Variants in GRXCR2 observed in about 807,000 individuals in gnomAD.
GRXCR2 encodes glutaredoxin and cysteine rich domain containing 2.
A neutral mutation model predicts 24.8 loss-of-function variants in GRXCR2; 23 were observed. The observed-to-expected ratio is 0.93, with a 90% CI of 0.67 to 1.32. The LOEUF (loss-of-function observed/expected upper bound fraction) is 1.32. Ranked by LOEUF, GRXCR2 falls within the 40% of genes most tolerant of loss-of-function variation. GRXCR2 has a pLI of 0.00. For synonymous variants in GRXCR2, 130 were observed against 116.1 expected, an observed-to-expected ratio of 1.12 and a Z score of -0.77; for missense variants, 315 against 303.4, an observed-to-expected ratio of 1.04 and a Z score of -0.28.
intron 2 of GRXCR2, among the ~76,000 whole-genome samples, chr5:145,895,870 G>C (rs543544276): frequency 7.2e-5 from 11 of 152,142 alleles, no homozygotes; most frequent in Non-Finnish European, 1.5e-4. Flanking sequence ...CACACTACCT[G>C]ACTTCAAACT....
chr5:145,917,150 G>A (rs1229576417), intron 2 of GRXCR2, among the ~76,000 whole-genome samples: 1 of 144,118 alleles, frequency 6.9e-6, no homozygotes, highest in Non-Finnish European at 1.5e-5. Flanking sequence ...ACAGCATTAT[G>A]TCAAGATGGA....
At chr5:145,925,346 T>C (rs907026335) in intron 2 of GRXCR2, among the ~76,000 whole-genome samples, 1 of 152,226 alleles carries the variant, frequency 6.6e-6, no homozygotes, top group African/African-American at 2.4e-5. Context: ...GAGCACTTTC[T>C]ATGGACCAGA....
intron 2 of GRXCR2, among the ~76,000 whole-genome samples, chr5:145,887,593 C>T (rs918180651): frequency 1.3e-5 from 2 of 152,176 alleles, no homozygotes; most frequent in Non-Finnish European, 1.5e-5. Flanking sequence ...TCACCTCAGA[C>T]TTCTGAGAAG....
intron 2 of GRXCR2, among the ~76,000 whole-genome samples, chr5:145,917,403 G>A (rs1445061185): frequency 6.6e-6 from 1 of 152,132 alleles, no homozygotes; most frequent in Non-Finnish European, 1.5e-5. Flanking sequence ...GTGTGAGAAT[G>A]AGAGTAAGTG....
At chr5:145,878,973 C>A (rs145223340) in intron 2 of GRXCR2, among the ~76,000 whole-genome samples, 2 of 152,092 alleles carry the variant, frequency 1.3e-5, no homozygotes, top group African/African-American at 2.4e-5. Flanking sequence ...GAAATAAAAT[C>A]TTTACAGACA....
intron 2 of GRXCR2, among the ~76,000 whole-genome samples, chr5:145,904,933 A>C (rs1393673634): frequency 1.3e-5 from 2 of 152,062 alleles, no homozygotes; most frequent in African/African-American, 4.8e-5. Flanking sequence ...TTAGGGTGTA[A>C]CAGCTAGGTC....
At chr5:145,893,088 A>AT (rs1311779399) in intron 2 of GRXCR2, among the ~76,000 whole-genome samples, 4 of 152,306 alleles carry the variant, frequency 2.6e-5, no homozygotes, top group Non-Finnish European at 5.9e-5. Flanking sequence ...ATGCTGAGAG[A>AT]TTTTGTCACC....
intron 2 of GRXCR2, among the ~76,000 whole-genome samples, chr5:145,884,739 A>G (rs1469825643): frequency 1.3e-5 from 2 of 152,200 alleles, no homozygotes; most frequent in Non-Finnish European, 2.9e-5. Flanking sequence ...GCTCTTTTAA[A>G]AAATTTACAT....
intron 2 of GRXCR2, among the ~76,000 whole-genome samples, chr5:145,891,710 G>A (rs563419548): frequency 6.6e-6 from 1 of 152,222 alleles, no homozygotes; most frequent in African/African-American, 2.4e-5. Context: ...TCTGGGGGCA[G>A]GGCATAGCCA....
At chr5:145,868,528 A>G (rs1009710881) in intron 1 of GRXCR2, among the ~76,000 whole-genome samples, 1 of 152,132 alleles carries the variant, frequency 6.6e-6, no homozygotes, top group Non-Finnish European at 1.5e-5. Context: ...TGCAGGCTGG[A>G]TTCTTATTTC....
intron 2 of GRXCR2, among the ~76,000 whole-genome samples, chr5:145,892,891 G>T (rs1027006699): frequency 1.3e-5 from 2 of 152,146 alleles, no homozygotes; most frequent in Non-Finnish European, 2.9e-5. Context: ...AGAAAGGTTG[G>T]CTTACCCACA....
chr5:145,875,414 T>A (rs1011243792), upstream of GRXCR2, among the ~76,000 whole-genome samples: 6 of 152,034 alleles, frequency 3.9e-5, no homozygotes, highest in African/African-American at 1.4e-4. Context: ...CAGGGTGTGG[T>A]GGCAGGCACT....
chr5:145,910,272 C>A (rs779195917), intron 2 of GRXCR2, among the ~76,000 whole-genome samples: 8 of 152,142 alleles, frequency 5.3e-5, no homozygotes, highest in Non-Finnish European at 7.3e-5. Context: ...TCATAAACGA[C>A]AACCTCTGAA....
At chr5:145,915,329 G>A (rs1757221311) in intron 2 of GRXCR2, among the ~76,000 whole-genome samples, 1 of 152,146 alleles carries the variant, frequency 6.6e-6, no homozygotes, top group Non-Finnish European at 1.5e-5. Flanking sequence ...TCTAGTTATT[G>A]TTCCTGCTTG....
intron 2 of GRXCR2, among the ~76,000 whole-genome samples, chr5:145,879,294 G>A (rs946063209): frequency 6.7e-6 from 1 of 149,480 alleles, no homozygotes; most frequent in East Asian, 2.0e-4. Context: ...GTATTCAGGA[G>A]ACCCATCTCA....
At chr5:145,873,911 C>T (rs890664327), upstream of GRXCR2, among the ~76,000 whole-genome samples, 1 of 152,194 alleles carries the variant, frequency 6.6e-6, no homozygotes, top group African/African-American at 2.4e-5. Context: ...ACAGACCTCA[C>T]ACAGGTGAAA....
upstream of GRXCR2, among the ~76,000 whole-genome samples, chr5:145,876,345 T>TAGCTCACTGCAACCTC (rs1355229968): frequency 6.6e-6 from 1 of 150,542 alleles, no homozygotes; most frequent in Non-Finnish European, 1.5e-5. Context: ...GGTGCAACCT[T>TAGCTCACTGCAACCTC]AGCTCACTGC....
intron 2 of GRXCR2, among the ~76,000 whole-genome samples, chr5:145,922,076 G>T (rs1757329391): frequency 6.6e-6 from 1 of 152,144 alleles, no homozygotes; most frequent in Non-Finnish European, 1.5e-5. Context: ...GGCTCTCTCA[G>T]TTGCTTTTTG....
intron 2 of GRXCR2, among the ~76,000 whole-genome samples, chr5:145,922,948 G>C (rs1198785437): frequency 6.6e-6 from 1 of 152,220 alleles, no homozygotes; most frequent in African/African-American, 2.4e-5. Context: ...AGCGGTGCAA[G>C]CATTGCAGGT....
Sources: gnomAD v4.1 joint callset for allele counts (sites outside exome capture counted in the v4.1 genomes callset) on GRCh38, gnomAD v4.1.1 for gene constraint, MANE v1.5 for transcripts, NCBI Gene and HGNC (gene_info 2026-07-23, HGNC 2026-07-21) for gene names.